IMMP2L: variants seen among roughly 807,000 people sequenced by gnomAD.
The protein encoded by IMMP2L is inner mitochondrial membrane peptidase subunit 2.
Under a neutral mutation model 19.3 loss-of-function variants are expected in IMMP2L, and 18 were observed. That is an observed-to-expected ratio of 0.93 (90% CI 0.64 to 1.38). The LOEUF (loss-of-function observed/expected upper bound fraction) is 1.38. Among genes scored for constraint, IMMP2L ranks in the 40% most tolerant of loss-of-function variants. IMMP2L has a pLI of 0.00. For synonymous variants in IMMP2L, 76 were observed against 73.0 expected, an observed-to-expected ratio of 1.04 and a Z score of -0.21; for missense variants, 233 against 218.2, an observed-to-expected ratio of 1.07 and a Z score of -0.43.
intron 5 of IMMP2L, among the ~76,000 whole-genome samples, chr7:110,821,094 A>G (rs1310067658): frequency 2.6e-5 from 4 of 152,132 alleles, no homozygotes; most frequent in Non-Finnish European, 5.9e-5. Context: ...GAGGTAACTC[A>G]TTTAACTCTT....
intron 3 of IMMP2L, among the ~76,000 whole-genome samples, chr7:111,102,498 A>G (rs543709611): frequency 6.6e-6 from 1 of 151,678 alleles, no homozygotes; most frequent in South Asian, 2.1e-4. Context: ...CTGCTGCTTT[A>G]CATCAAACAT....
rs546845864 is a variant in IMMP2L, at chr7:110,811,984, A to G, written c.408+74609T>C. Reference sequence around the variant, plus strand: ...GAACTTTGCTGCTACTTCTACCTCTATTCTTCTCCAGGGATAATCACTGAT... The same window carrying G: ...GAACTTTGCTGCTACTTCTACCTCTGTTCTTCTCCAGGGATAATCACTGAT... On this transcript the variant is annotated intron_variant, in intron 5 of 5. Coordinates refer to ENST00000405709, the MANE Select transcript of IMMP2L (RefSeq NM_032549.4). Among the ~76,000 whole-genome samples, 4 of 152,136 alleles carry G rather than the reference A, an allele frequency of 2.6e-5. No individual in the cohort carries two copies. The East Asian group carries it at 7.8e-4, about 30-fold the overall frequency.
intron 3 of IMMP2L, among the ~76,000 whole-genome samples, chr7:111,257,174 G>C (rs930595363): frequency 7.9e-5 from 12 of 152,170 alleles, no homozygotes; most frequent in Non-Finnish European, 1.6e-4. Context: ...GTTTCACACA[G>C]AACTCATAAT....
At chr7:111,476,848 T>A (rs1322551296) in intron 3 of IMMP2L, among the ~76,000 whole-genome samples, 1 of 152,150 alleles carries the variant, frequency 6.6e-6, no homozygotes, top group Non-Finnish European at 1.5e-5. Flanking sequence ...AACTACTACT[T>A]CTGCCTCTGT....
intron 5 of IMMP2L, among the ~76,000 whole-genome samples, chr7:110,868,577 G>A (rs1808233217): frequency 6.6e-6 from 1 of 151,876 alleles, no homozygotes. Flanking sequence ...TCAGGCCCTG[G>A]GCTAGGCAAA....
chr7:110,795,011 A>G (rs920480332), intron 5 of IMMP2L, among the ~76,000 whole-genome samples: 2 of 152,050 alleles, frequency 1.3e-5, no homozygotes, highest in African/African-American at 4.8e-5. Flanking sequence ...TCTGGTTCAG[A>G]TACATGGAGG....
chr7:111,510,218 C>T (rs896128462), intron 2 of IMMP2L, among the ~76,000 whole-genome samples: 3 of 152,050 alleles, frequency 2.0e-5, no homozygotes, highest in Non-Finnish European at 4.4e-5. Flanking sequence ...AGGCTAAATG[C>T]TTGTAAAAAG....
intron 4 of IMMP2L, among the ~76,000 whole-genome samples, chr7:110,910,221 G>C (rs1317180374): frequency 6.6e-6 from 1 of 152,136 alleles, no homozygotes; most frequent in East Asian, 1.9e-4. Flanking sequence ...TTCACAGTTA[G>C]AGCAGTGATA....
At chr7:111,148,648 C>T (rs1803741299) in intron 3 of IMMP2L, among the ~76,000 whole-genome samples, 1 of 152,036 alleles carries the variant, frequency 6.6e-6, no homozygotes, top group East Asian at 1.9e-4. Context: ...TTAAGCTTCA[C>T]AGAGGACACT....
At position 111,412,470 on chromosome 7, in the gene IMMP2L, C is replaced by A. The variant is rs566674560; in HGVS notation, c.239+74768G>T. Among the ~76,000 whole-genome samples the A allele has an allele frequency of 2.0e-4, 31 of 151,696 alleles. 2 individuals carry two copies. In the East Asian group the frequency reaches 4.6e-3, roughly 23 times the overall value. ...TTCTTTGATCACAAAGGAGTTAAAA[C>A]GGAAATCAATTAAGGAACAAGTCCT... On this transcript the variant is annotated intron_variant, in intron 3 of 5. Coordinates refer to ENST00000405709, the MANE Select transcript of IMMP2L (RefSeq NM_032549.4).
At chr7:111,404,513 C>T (rs570764037) in intron 3 of IMMP2L, among the ~76,000 whole-genome samples, 75 of 152,116 alleles carry the variant, frequency 4.9e-4, no homozygotes, top group Non-Finnish European at 9.4e-4. Context: ...CTTTCTGGAA[C>T]TCTTTTTCCA....
chr7:111,449,080 C>T (rs1469279477), intron 3 of IMMP2L, among the ~76,000 whole-genome samples: 2 of 150,708 alleles, frequency 1.3e-5, no homozygotes, highest in African/African-American at 4.9e-5. Flanking sequence ...GTTTACCAAC[C>T]AAAAAGAGTC....
At chr7:111,147,228 CTGT>C (rs997575216) in intron 3 of IMMP2L, among the ~76,000 whole-genome samples, 25 of 152,068 alleles carry the variant, frequency 1.6e-4, no homozygotes, top group South Asian at 6.2e-4. Flanking sequence ...GTTGTTGTTG[CTGT>C]TGTTGTTGTT....
chr7:111,427,231 G>A (rs1320741912), intron 3 of IMMP2L, among the ~76,000 whole-genome samples: 1 of 151,646 alleles, frequency 6.6e-6, no homozygotes, highest in Non-Finnish European at 1.5e-5. Context: ...CAGCGACTGA[G>A]TTGGGCCAGA....
In IMMP2L at chr7:111,123,247, G is replaced by A; in HGVS notation, c.240-159682C>T. On this transcript the variant is annotated intron_variant, in intron 3 of 5. Coordinates refer to ENST00000405709, the MANE Select transcript of IMMP2L (RefSeq NM_032549.4). The surrounding 1 kb of genome is among the most constrained non-coding windows in gnomAD (Gnocchi z 6.4). ...CTTGCTTTCTACAATTTCACCTGGA[G>A]CCTTTATTGGCCTACATAATCTTCT... is the stretch of plus-strand genomic sequence containing the variant. The A allele has an allele frequency of 6.2e-7, 1 of 1,613,828 alleles. No individual in the cohort carries two copies. Among genetic ancestry groups the A allele is most frequent in the Non-Finnish European group, 8.5e-7 (1 of 1,179,912 alleles).
chr7:111,030,911 T>G lies in IMMP2L; in HGVS notation c.240-67346A>C, dbSNP rs1406418484. On this transcript the variant is annotated intron_variant, in intron 3 of 5. Coordinates refer to ENST00000405709, the MANE Select transcript of IMMP2L (RefSeq NM_032549.4). ...ATATATATATATATATATATATATA[T>G]ATATATATATATATAAAATATATAT... is the stretch of plus-strand genomic sequence containing the variant. Among the ~76,000 whole-genome samples the G allele has an allele frequency of 1.2e-3, 62 of 53,074 alleles. 2 individuals carry two copies. The highest frequency in any genetic ancestry group is 4.9e-4 in the Non-Finnish European group (11 of 22,336). 34.8% of individuals were successfully genotyped at this position (53,074 alleles called of 152,430 possible). A position where few individuals can be genotyped will look rare whatever the true frequency, so the allele number is the denominator to read the frequency against.
chr7:111,421,141 C>T (rs1198355779), intron 3 of IMMP2L, among the ~76,000 whole-genome samples: 8 of 151,736 alleles, frequency 5.3e-5, no homozygotes, highest in Non-Finnish European at 1.0e-4. Context: ...TTTTGATTTG[C>T]ATTTCTCTGA....
chr7:110,736,068 G>A (rs1371155793), intron 5 of IMMP2L, among the ~76,000 whole-genome samples: 6 of 151,974 alleles, frequency 3.9e-5, no homozygotes, highest in South Asian at 4.1e-4. Flanking sequence ...ATTCAGGTGC[G>A]GTGCTCCTCA....
chr7:110,719,566 G>C (rs114066583), intron 5 of IMMP2L, among the ~76,000 whole-genome samples: 1 of 152,186 alleles, frequency 6.6e-6, no homozygotes, highest in Non-Finnish European at 1.5e-5. Flanking sequence ...TTCCTGTTTA[G>C]CACTGTACAA....
Sources: allele counts gnomAD v4.1 joint callset (sites outside exome capture counted in the v4.1 genomes callset), GRCh38; gene constraint gnomAD v4.1.1; non-coding constraint Gnocchi (gnomAD v3.1); transcripts MANE v1.5; gene names NCBI Gene and HGNC (gene_info 2026-07-23, HGNC 2026-07-21).